PSG1: variants seen among roughly 807,000 people sequenced by gnomAD.
The protein encoded by PSG1 is pregnancy specific beta-1-glycoprotein 1.
A neutral mutation model predicts 41.4 loss-of-function variants in PSG1; 60 were observed. The observed-to-expected ratio is 1.45, with a 90% CI of 1.18 to 1.80. PSG1 has a LOEUF of 1.80. Among genes scored for constraint, PSG1 ranks in the 40% most tolerant of loss-of-function variants. PSG1 has a pLI of 0.00. For synonymous variants in PSG1, 256 were observed against 192.9 expected (o/e 1.33, Z -2.71); for missense variants, 806 against 516.9 (o/e 1.56, Z -5.42).
At chr19:42,869,278 C>T in intron 3 of PSG1, 2 of 840,288 alleles carry the variant, frequency 2.4e-6, no homozygotes, top group Non-Finnish European at 3.5e-6. Flanking sequence ...AGTGTTGGGT[C>T]ATGGACAGAC....
At position 42,867,075 on chromosome 19, in the gene PSG1, G is replaced by A. The variant is rs777543223; in HGVS notation, c.*59C>T. The A allele has an allele frequency of 2.3e-5, 18 of 772,664 alleles. No individual in the cohort carries two copies. Among genetic ancestry groups the A allele is most frequent in the Middle Eastern group, 2.3e-4 (1 of 4,440 alleles). 47.9% of individuals were successfully genotyped at this position (772,664 alleles called of 1,614,324 possible). ...CAGCTTATAGGGCTTCTGGAACAGAGTGGGTCTTGCTCTTAGTGATTCCAT... is the reference window on the plus strand; with the variant it reads ...CAGCTTATAGGGCTTCTGGAACAGAATGGGTCTTGCTCTTAGTGATTCCAT... On this transcript the variant is annotated 3_prime_UTR_variant, in exon 6 of 6. Coordinates refer to ENST00000436291, the MANE Select transcript of PSG1 (RefSeq NM_001184825.2).
Position 42,869,133 on chromosome 19 carries a change from C to G in PSG1, c.710-99G>C. 1.9e-6 allele frequency: 3 copies of G among 1,557,094 alleles called. No homozygotes were observed. In the East Asian group the frequency reaches 6.8e-5, roughly 35 times the overall value. On this transcript the variant is annotated intron_variant, in intron 3 of 5. Transcript: ENST00000436291. Reference sequence around the variant, plus strand: ...TTGGCATCTCCCACCTCTCATTCCACCCGAGTCCTTGAAAGCCAATAGCTG... The same window carrying G: ...TTGGCATCTCCCACCTCTCATTCCAGCCGAGTCCTTGAAAGCCAATAGCTG...
Position 42,871,981 on chromosome 19 carries a change from C to G in PSG1, c.495G>C (p.Val165=), listed in dbSNP as rs371496912. The change falls in exon 3 of 6, where the codon GTG becomes GTC. Residue 165 remains valine, a synonymous_variant. Coordinates refer to ENST00000436291, the MANE Select transcript of PSG1 (RefSeq NM_001184825.2). ...GAGTCTCAGGGTCACAGGTTAAGCT[C>G]ACAGCCTCCATGGTCTCCCTGGGAT... The part of the protein sequence containing the change: ...NLNPRETMEA[V]SLTCDPETPD... 39 of 1,612,370 alleles carry G rather than the reference C, an allele frequency of 2.4e-5. 3 individuals carry two copies. The highest frequency in any genetic ancestry group is 3.1e-5 in the Non-Finnish European group (37 of 1,179,204).
In PSG1 at chr19:42,871,956, G is replaced by C; in HGVS notation, c.520C>G (p.Pro174Ala). 1.9e-6 allele frequency: 3 copies of C among 1,612,468 alleles called. No homozygotes were observed. Among genetic ancestry groups the C allele is most frequent in the East Asian group, 4.5e-5 (2 of 44,782 alleles). The change falls in exon 3 of 6, where the codon CCA becomes GCA. Residue 174 changes from proline (P) to alanine (A), a missense_variant. Physicochemically the swap from Pro to Ala is conservative, Grantham distance 27 (BLOSUM62 -1). Coordinates refer to ENST00000436291, the MANE Select transcript of PSG1 (RefSeq NM_001184825.2). The part of the protein sequence containing the change: ...AVSLTCDPET[P>A]DASYLWWMNG... Reference sequence around the variant, plus strand: ...ATCCACCACAGGTAGCTTGCGTCTGGAGTCTCAGGGTCACAGGTTAAGCTC... The same window carrying C: ...ATCCACCACAGGTAGCTTGCGTCTGCAGTCTCAGGGTCACAGGTTAAGCTC...
rs535470189 is a variant in PSG1, at chr19:42,871,782, T to C, written c.694A>G (p.Thr232Ala). ...AGATACTCACGGAGGAGATTCAGGG[T>C]GACTGGGTCACTGCGGCTGGCACTC... ...PVSASRSDPV[T>A]LNLLPKLPKP... Residue 232 changes from threonine (T) to alanine (A), a missense_variant, in exon 3 of 6, where the codon ACC (threonine) becomes GCC (alanine). By Grantham distance (58) the Thr-to-Ala change is moderately conservative. Coordinates refer to ENST00000436291, the MANE Select transcript of PSG1 (RefSeq NM_001184825.2). The C allele has an allele frequency of 4.3e-6, 7 of 1,612,378 alleles. No homozygotes were observed. Among genetic ancestry groups the C allele is most frequent in the Non-Finnish European group, 5.1e-6 (6 of 1,179,182 alleles).
chr19:42,879,098 C>T (rs1203318156), intron 1 of PSG1, among the ~76,000 whole-genome samples: 7 of 151,516 alleles, frequency 4.6e-5, no homozygotes, highest in East Asian at 1.9e-4. Flanking sequence ...CTGTCCCTCT[C>T]TGGTGTATTT....
intron 2 of PSG1, among the ~76,000 whole-genome samples, chr19:42,877,078 A>G (rs1971638940): frequency 1.3e-5 from 2 of 151,702 alleles, no homozygotes; most frequent in Admixed American, 1.3e-4. Context: ...TAAATTATTC[A>G]CAGTCACCTG....
Position 42,879,704 on chromosome 19 carries a change from A to G in PSG1, c.-123T>C. The G allele has an allele frequency of 4.9e-6, 7 of 1,429,074 alleles. No homozygotes were observed. Among genetic ancestry groups the G allele is most frequent in the Non-Finnish European group, 6.7e-6 (7 of 1,051,234 alleles). The allele number at this position is 1,429,074 out of a possible 1,614,324, so 88.5% of individuals were successfully genotyped here. A position where few individuals can be genotyped will look rare whatever the true frequency, so the allele number is the denominator to read the frequency against. ...GTGCTGAGCCTCTTCCCAGGGCAGG[A>G]GCAATTCTCAAGCTCATGGGCAGGG... On this transcript the variant is annotated 5_prime_UTR_variant, in exon 1 of 6. Coordinates refer to ENST00000436291, the MANE Select transcript of PSG1 (RefSeq NM_001184825.2).
rs1344721467 is a variant in PSG1, at chr19:42,869,307, G to A, written c.710-273C>T. 3 of 709,316 alleles carry A rather than the reference G, an allele frequency of 4.2e-6. No homozygotes were observed. The African/African-American group carries it at 5.4e-5, about 13-fold the overall frequency. 43.9% of individuals were successfully genotyped at this position (709,316 alleles called of 1,614,324 possible). ...GACAGACACGTCAGTGGGAGTCACA[G>A]CCCCTGGTACCCTTCCCAGGCCCTC... On this transcript the variant is annotated intron_variant, in intron 3 of 5. Transcript: ENST00000436291.
At chr19:42,867,662 C>G in intron 5 of PSG1, 2 of 755,220 alleles carry the variant, frequency 2.6e-6, no homozygotes, top group Admixed American at 2.0e-5. Context: ...AATAGTTGCC[C>G]AATTCTGGGG....
At chr19:42,871,393 A>G (rs1468529209) in intron 3 of PSG1, among the ~76,000 whole-genome samples, 1 of 151,588 alleles carries the variant, frequency 6.6e-6, no homozygotes, top group African/African-American at 2.4e-5. Flanking sequence ...CACAGGCACT[A>G]TTGTCAGAGG....
At chr19:42,870,220 A>G (rs1245593502) in intron 3 of PSG1, 1 of 151,806 alleles carries the variant, frequency 6.6e-6, no homozygotes, top group African/African-American at 2.4e-5. Context: ...CTTAGGACAA[A>G]AAGTGTTTTG....
chr19:42,874,018 A>G (rs1971501776), intron 2 of PSG1: 1 of 151,614 alleles, frequency 6.6e-6, no homozygotes, highest in South Asian at 2.1e-4. Context: ...ATCATGAGGA[A>G]ACAGTTATAG....
rs181615438 is a variant in PSG1, at chr19:42,879,572, G to A, written c.10C>T (p.Leu4Phe). The A allele has an allele frequency of 3.7e-6, 6 of 1,610,516 alleles. No homozygotes were observed. The South Asian group carries it at 6.6e-5, about 18-fold the overall frequency. Residue 4 changes from leucine to phenylalanine, a missense_variant, in exon 1 of 6, where the codon CTC (leucine) becomes TTC (phenylalanine). Physicochemically the swap from Leu to Phe is conservative, Grantham distance 22 (BLOSUM62 0). Coordinates refer to ENST00000436291, the MANE Select transcript of PSG1 (RefSeq NM_001184825.2). MGTLSAPPCTQRIK... is the reference protein window; with the variant it reads MGTFSAPPCTQRIK... ...CGCTGTGTGCAGGGAGGGGCTGAGA[G>A]GGTTCCCATGGTCTCTGCTGCTTGT... is the stretch of plus-strand genomic sequence containing the variant.
In PSG1 at chr19:42,866,614, A is replaced by G. The variant is rs117405077; in HGVS notation, c.*520T>C. 4.3e-3 allele frequency: 952 copies of G among 221,704 alleles called. 19 individuals carry two copies. The highest frequency in any genetic ancestry group is 7.2e-3 in the Non-Finnish European group (802 of 111,064). The allele number at this position is 221,704 out of a possible 1,614,324, so 13.7% of individuals were successfully genotyped here. On this transcript the variant is annotated 3_prime_UTR_variant, in exon 6 of 6. Transcript: ENST00000436291. The stretch of plus-strand genomic sequence containing the variant: ...TCAGCTTTCCTACGTCTTCATACAA[A>G]CCATCTTCTCTGCAAACACACAGGC...
chr19:42,871,809 C>A lies in PSG1; in HGVS notation c.667G>T (p.Val223Leu), dbSNP rs1971398410. Residue 223 changes from valine to leucine, a missense_variant, in exon 3 of 6, where the codon GTG becomes TTG. Coordinates refer to ENST00000436291, the MANE Select transcript of PSG1 (RefSeq NM_001184825.2). ...GPYECEIRNP[V>L]SASRSDPVTL... ...ACTGGGTCACTGCGGCTGGCACTCA[C>A]TGGGTTCCGTATTTCACATTCATAG... 2 of 1,612,642 alleles carry A rather than the reference C, an allele frequency of 1.2e-6. No individual in the cohort carries two copies. The highest frequency in any genetic ancestry group is 2.2e-5 in the East Asian group (1 of 44,800).
intron 1 of PSG1, among the ~76,000 whole-genome samples, chr19:42,879,184 G>A (rs1488415177): frequency 2.2e-5 from 3 of 133,914 alleles, no homozygotes; most frequent in East Asian, 4.4e-4. Context: ...ATGGAGTCTT[G>A]TACTGTCGCC....
intron 3 of PSG1, 163 bp from the exon 4 acceptor site, chr19:42,869,197 G>A (rs1282635045): frequency 2.8e-6 from 4 of 1,439,076 alleles, no homozygotes; most frequent in African/African-American, 1.4e-5. Flanking sequence ...TGATCTAAGG[G>A]CTCAAAGACT....
intron 5 of PSG1, chr19:42,867,766 A>G: frequency 1.0e-6 from 1 of 976,536 alleles, no homozygotes; most frequent in Non-Finnish European, 1.6e-6. Flanking sequence ...ATTAAAAGAG[A>G]AAAATTCCAT....
Sources: allele counts gnomAD v4.1 joint callset (sites outside exome capture counted in the v4.1 genomes callset), GRCh38; gene constraint gnomAD v4.1.1; transcripts MANE v1.5; gene names NCBI Gene and HGNC (gene_info 2026-07-23, HGNC 2026-07-21).